Variants in PIP4P2 observed in about 807,000 individuals in gnomAD.
PIP4P2 encodes the protein type 2 phosphatidylinositol 4,5-bisphosphate 4-phosphatase.
A neutral mutation model predicts 33.3 loss-of-function variants in PIP4P2; 19 were observed. The observed-to-expected ratio is 0.57, with a 90% CI of 0.40 to 0.84. The LOEUF (loss-of-function observed/expected upper bound fraction) is 0.84. PIP4P2 is among the 40% of genes least tolerant of loss of function. The pLI, the probability that PIP4P2 is intolerant of heterozygous loss-of-function variation, is 0.00. For missense variants in PIP4P2, 270 were observed against 324.7 expected, an observed-to-expected ratio of 0.83 and a Z score of 1.29; for synonymous variants, 110 against 111.9, an observed-to-expected ratio of 0.98 and a Z score of 0.11.
At chr8:90,999,908 A>G (rs1811679786) in intron 5 of PIP4P2, among the ~76,000 whole-genome samples, 1 of 152,026 alleles carries the variant, frequency 6.6e-6, no homozygotes, top group African/African-American at 2.4e-5. Flanking sequence ...AATGATATAC[A>G]TGGACTATTT....
At chr8:91,037,411 A>G (rs886078611) in intron 1 of PIP4P2, among the ~76,000 whole-genome samples, 6 of 152,186 alleles carry the variant, frequency 3.9e-5, no homozygotes, top group African/African-American at 1.4e-4. Context: ...ACTCTTGCTC[A>G]ACTTTCAGAT....
rs1430115105 is a variant in PIP4P2 at position 90,995,676 on chromosome 8, C to T, written c.*1G>A. 6.2e-7 allele frequency: 1 copy of T among 1,608,064 alleles called. No homozygotes were observed. The highest frequency in any genetic ancestry group is 8.5e-7 in the Non-Finnish European group (1 of 1,177,958). On this transcript the variant is annotated 3_prime_UTR_variant, in exon 7 of 7. Coordinates refer to ENST00000285419, the MANE Select transcript of PIP4P2 (RefSeq NM_018710.3). The stretch of plus-strand genomic sequence containing the variant: ...CCTGCATTACTGAATCATAAACAAG[C>T]TTATGCAAAACTGTGTTCTGGATAA...
intron 2 of PIP4P2, among the ~76,000 whole-genome samples, chr8:91,020,600 C>T (rs530062742): frequency 3.9e-5 from 6 of 152,194 alleles, no homozygotes; most frequent in Admixed American, 6.5e-5. Context: ...TATATTTCAT[C>T]TAAACCAGTG....
At chr8:91,034,466 G>C (rs765639357) in intron 1 of PIP4P2, among the ~76,000 whole-genome samples, 22 of 152,308 alleles carry the variant, frequency 1.4e-4, no homozygotes, top group Non-Finnish European at 2.6e-4. Context: ...TCCTTGAAGA[G>C]GATGTGGCCT....
At chr8:91,020,978 T>C (rs1377813254) in intron 2 of PIP4P2, among the ~76,000 whole-genome samples, 2 of 152,182 alleles carry the variant, frequency 1.3e-5, no homozygotes, top group Non-Finnish European at 2.9e-5. Flanking sequence ...ATATTGAAAG[T>C]ATTTATACGT....
chr8:91,025,812 T>C (rs996957679), intron 1 of PIP4P2, among the ~76,000 whole-genome samples: 4 of 152,206 alleles, frequency 2.6e-5, no homozygotes, highest in Admixed American at 2.6e-4. Context: ...AGAATGTAGG[T>C]TAGGGACAGA....
chr8:90,995,525 G>A lies in PIP4P2; in HGVS notation c.*152C>T. Reference sequence around the variant, plus strand: ...CAATTTGCATATAATATAGTGCAATGAGCATTTGTTCATAAAAGACTCCCA... The same window carrying A: ...CAATTTGCATATAATATAGTGCAATAAGCATTTGTTCATAAAAGACTCCCA... On this transcript the variant is annotated 3_prime_UTR_variant, in exon 7 of 7. Coordinates refer to ENST00000285419, the MANE Select transcript of PIP4P2 (RefSeq NM_018710.3). The A allele has an allele frequency of 1.1e-6, 1 of 891,874 alleles. No individual in the cohort carries two copies. The highest frequency in any genetic ancestry group is 1.5e-6 in the Non-Finnish European group (1 of 645,774). 55.2% of individuals were successfully genotyped at this position (891,874 alleles called of 1,614,324 possible).
intron 5 of PIP4P2, among the ~76,000 whole-genome samples, chr8:91,002,078 A>G (rs1811706139): frequency 1.3e-5 from 2 of 152,016 alleles, no homozygotes; most frequent in Non-Finnish European, 2.9e-5. Context: ...TACTTTAAGT[A>G]CTTTATTGGG....
At chr8:91,034,804 A>T (rs1812214988) in intron 1 of PIP4P2, among the ~76,000 whole-genome samples, 1 of 152,242 alleles carries the variant, frequency 6.6e-6, no homozygotes. Context: ...CTGCCAATCC[A>T]CAGACAACCT....
At chr8:91,012,309 C>G (rs902217852) in intron 4 of PIP4P2, among the ~76,000 whole-genome samples, 3 of 151,788 alleles carry the variant, frequency 2.0e-5, no homozygotes, top group African/African-American at 7.3e-5. Flanking sequence ...TAACTTATCT[C>G]AATTGCTTTT....
intron 1 of PIP4P2, among the ~76,000 whole-genome samples, chr8:91,031,018 T>C (rs1184825122): frequency 6.6e-6 from 1 of 152,196 alleles, no homozygotes; most frequent in Non-Finnish European, 1.5e-5. Context: ...AGAAATGACA[T>C]TATATTTGAC....
At position 90,994,437 on chromosome 8, in the gene PIP4P2, T is replaced by C. The variant is rs915379195; in HGVS notation, c.*1240A>G. On this transcript the variant is annotated 3_prime_UTR_variant, in exon 7 of 7. Coordinates refer to ENST00000285419, the MANE Select transcript of PIP4P2 (RefSeq NM_018710.3). ...TCAGTATCATAAATAATTTAAAATATTAGTCTTATCTCTGGAATCACCAAT... is the reference window on the plus strand; with the variant it reads ...TCAGTATCATAAATAATTTAAAATACTAGTCTTATCTCTGGAATCACCAAT... 6.6e-5 allele frequency: 10 copies of C among 152,330 alleles called. No individual in the cohort carries two copies. The highest frequency in any genetic ancestry group is 2.6e-4 in the Admixed American group (4 of 15,280). The allele number at this position is 152,330 out of a possible 1,614,324, so 9.4% of individuals were successfully genotyped here. A position where few individuals can be genotyped will look rare whatever the true frequency, so the allele number is the denominator to read the frequency against.
rs374537946 is a variant in PIP4P2 at position 91,040,621 on chromosome 8, A to G, written c.106+23T>C. 30 of 1,612,682 alleles carry G rather than the reference A, an allele frequency of 1.9e-5. No homozygotes were observed. In the African/African-American group the frequency reaches 3.6e-4, roughly 19 times the overall value. On this transcript the variant is annotated intron_variant, in intron 1 of 6. Coordinates refer to ENST00000285419, the MANE Select transcript of PIP4P2 (RefSeq NM_018710.3). ...TTGCAAATCTACTTCCTTGCAAAGT[A>G]GAGGGATCTACGCTGGCCTTACCTC...
At chr8:91,004,946 T>C (rs1811747723) in intron 5 of PIP4P2, among the ~76,000 whole-genome samples, 1 of 151,978 alleles carries the variant, frequency 6.6e-6, no homozygotes. Flanking sequence ...GGAATATAGA[T>C]CAATTTAGAT....
intron 4 of PIP4P2, among the ~76,000 whole-genome samples, chr8:91,017,204 G>A (rs577922632): frequency 1.3e-5 from 2 of 152,178 alleles, no homozygotes; most frequent in South Asian, 4.1e-4. Flanking sequence ...ACACATAGAA[G>A]TCTGGCCAAC....
intron 4 of PIP4P2, among the ~76,000 whole-genome samples, chr8:91,016,902 C>A (rs550138449): frequency 6.6e-6 from 1 of 152,126 alleles, no homozygotes; most frequent in South Asian, 2.1e-4. Context: ...AAAATTAAAT[C>A]CAAAGGAGGG....
chr8:91,009,012 T>A (rs1165021975), intron 4 of PIP4P2, among the ~76,000 whole-genome samples: 1 of 152,150 alleles, frequency 6.6e-6, no homozygotes, highest in Non-Finnish European at 1.5e-5. Context: ...TTTCCAATGC[T>A]CTGACGCAAT....
Position 91,040,782 on chromosome 8 carries a change from A to T in PIP4P2, c.-33T>A, listed in dbSNP as rs745597113. The T allele has an allele frequency of 6.3e-7, 1 of 1,599,592 alleles. No individual in the cohort carries two copies. The highest frequency in any genetic ancestry group is 2.2e-5 in the East Asian group (1 of 44,706). On this transcript the variant is annotated 5_prime_UTR_variant, in exon 1 of 7. Transcript: ENST00000285419. ...GCAGCGGCGGGGCCTGGGGAGGCCG[A>T]GCCGGGGTTGCGGCCTCGGCGGAGT...
chr8:91,000,911 GTC>G lies in PIP4P2; in HGVS notation c.540-4169_540-4168del, dbSNP rs374585954. Among the ~76,000 whole-genome samples, 260 of 151,806 alleles carry G rather than the reference GTC, an allele frequency of 1.7e-3. 1 individual carries two copies. The highest frequency in any genetic ancestry group is 6.1e-3 in the African/African-American group (253 of 41,420). On this transcript the variant is annotated intron_variant, in intron 5 of 6. Coordinates refer to ENST00000285419, the MANE Select transcript of PIP4P2 (RefSeq NM_018710.3). ...TTCTCTTAATCTTACATTCATCTTT[GTC>G]TCTCTATGCTAGATTCTGGGTAATT...
Sources: gnomAD v4.1 joint callset for allele counts (sites outside exome capture counted in the v4.1 genomes callset) on GRCh38, gnomAD v4.1.1 for gene constraint, MANE v1.5 for transcripts, NCBI Gene and HGNC (gene_info 2026-07-23, HGNC 2026-07-21) for gene names.